SH3KBP1: variants seen among roughly 807,000 people sequenced by gnomAD.
SH3KBP1 encodes the protein SH3 domain containing kinase binding protein 1, also known as SH3 domain-containing kinase-binding protein 1.
SH3KBP1 carries 8 observed loss-of-function variants against 50.1 expected under a neutral mutation model. The observed-to-expected ratio is 0.16, with a 90% confidence interval of 0.09 to 0.29. SH3KBP1 has a LOEUF of 0.29. Ranked by LOEUF, SH3KBP1 falls within the 10% of genes least tolerant of loss-of-function variation. The pLI is 1.00. For missense variants in SH3KBP1, 377 were observed against 535.2 expected, an observed-to-expected ratio of 0.70 and a Z score of 2.92; for synonymous variants, 227 against 218.6, an observed-to-expected ratio of 1.04 and a Z score of -0.34.
chrX:19,878,401 T>C (rs1202545347), intron 1 of SH3KBP1, among the ~76,000 whole-genome samples: 1 of 105,384 alleles, frequency 9.5e-6, no homozygotes, highest in African/African-American at 3.5e-5. Context: ...GCTCCCAGGT[T>C]CAAGTGATTC....
At chrX:19,702,953 A>T (rs1249492475) in intron 4 of SH3KBP1, among the ~76,000 whole-genome samples, 1 of 112,390 alleles carries the variant, frequency 8.9e-6, no homozygotes, top group Non-Finnish European at 1.9e-5. Flanking sequence ...TTAGGTTCAC[A>T]ATGATGATTT....
At chrX:19,777,103 C>T (rs763032761) in intron 2 of SH3KBP1, among the ~76,000 whole-genome samples, 1 of 111,405 alleles carries the variant, frequency 9.0e-6, no homozygotes, top group South Asian at 3.8e-4. Flanking sequence ...TGTCTTTAAG[C>T]CTTTGAGGAT....
rs139186044 is a variant in SH3KBP1 at position 19,840,954 on chromosome X, T to C, written c.5-4672A>G. 7.5e-3 allele frequency among the ~76,000 whole-genome samples: 839 copies of C among 112,154 alleles called. 12 individuals carry two copies. Among genetic ancestry groups the C allele is most frequent in the African/African-American group, 0.026 (805 of 30,849 alleles). ...GTCACTGCAAAAACCAATGCTACAG[T>C]TAACCCCATGTTACAAAAAGATAGA... On this transcript the variant is annotated intron_variant, in intron 1 of 17. Transcript: ENST00000397821.
intron 2 of SH3KBP1, among the ~76,000 whole-genome samples, chrX:19,820,318 A>G (rs912922546): frequency 8.9e-6 from 1 of 112,028 alleles, no homozygotes; most frequent in Non-Finnish European, 1.9e-5. Flanking sequence ...TAAGTTGCCA[A>G]CTATAACTGT....
Position 19,598,729 on chromosome X carries a change from T to A in SH3KBP1, c.1006-3729A>T, listed in dbSNP as rs140826745. The stretch of plus-strand genomic sequence containing the variant: ...GGGGAATCGTAGGTCAATGGAGTAG[T>A]CAGAACACACACAACATCGATCAAT... On this transcript the variant is annotated intron_variant, in intron 9 of 17. Transcript: ENST00000397821. 3.6e-3 allele frequency among the ~76,000 whole-genome samples: 396 copies of A among 111,346 alleles called. 2 individuals carry two copies. The highest frequency in any genetic ancestry group is 0.014 in the Middle Eastern group (3 of 218).
intron 12 of SH3KBP1, among the ~76,000 whole-genome samples, chrX:19,573,434 G>T (rs1197420360): frequency 9.1e-6 from 1 of 110,134 alleles, no homozygotes. Flanking sequence ...TTACAGGTGC[G>T]TGCCACCACA....
At chrX:19,856,843 T>TA (rs2068654881) in intron 1 of SH3KBP1, among the ~76,000 whole-genome samples, 1 of 109,576 alleles carries the variant, frequency 9.1e-6, no homozygotes, top group Non-Finnish European at 1.9e-5. Context: ...CACAAGTATT[T>TA]ACATCCTTAT....
intron 7 of SH3KBP1, among the ~76,000 whole-genome samples, chrX:19,639,666 G>A (rs1038669436): frequency 3.3e-4 from 37 of 110,982 alleles, no homozygotes; most frequent in African/African-American, 1.1e-3. Context: ...CTTAGGAAGA[G>A]GTGGGTACCC....
intron 6 of SH3KBP1, among the ~76,000 whole-genome samples, chrX:19,680,694 T>C (rs2063029504): frequency 8.9e-6 from 1 of 112,384 alleles, no homozygotes; most frequent in Non-Finnish European, 1.9e-5. Context: ...TGTATGCTAA[T>C]AAAACAGAAT....
intron 13 of SH3KBP1, among the ~76,000 whole-genome samples, chrX:19,557,463 G>T (rs890263761): frequency 8.9e-6 from 1 of 111,986 alleles, no homozygotes; most frequent in Non-Finnish European, 1.9e-5. Context: ...CAAGCATAGG[G>T]ATAGTTTTGA....
At chrX:19,733,382 G>C (rs952825539) in intron 3 of SH3KBP1, among the ~76,000 whole-genome samples, 19 of 109,538 alleles carry the variant, frequency 1.7e-4, no homozygotes, top group Admixed American at 8.8e-4. Flanking sequence ...CAAATTAATG[G>C]TATAGAATTG....
chrX:19,616,435 C>CA lies in SH3KBP1; in HGVS notation c.898-8391dup, dbSNP rs760695339. 5.3e-3 allele frequency among the ~76,000 whole-genome samples: 597 copies of CA among 111,857 alleles called. 1 individual carries two copies. The highest frequency in any genetic ancestry group is 7.0e-3 in the African/African-American group (215 of 30,816). On this transcript the variant is annotated intron_variant, in intron 8 of 17. Coordinates refer to ENST00000397821, the MANE Select transcript of SH3KBP1 (RefSeq NM_031892.3). The stretch of plus-strand genomic sequence containing the variant: ...AACAAGAAACTGGGTGGATAACACA[C>CA]AAAAAAACAGTAAACACATTTCCTC...
intron 5 of SH3KBP1, among the ~76,000 whole-genome samples, chrX:19,694,683 A>G (rs1056659829): frequency 9.0e-6 from 1 of 111,671 alleles, no homozygotes; most frequent in African/African-American, 3.3e-5. Context: ...TTCTCTGCAA[A>G]TGGCGTTACC....
intron 3 of SH3KBP1, among the ~76,000 whole-genome samples, chrX:19,735,747 G>A (rs1163117793): frequency 2.2e-5 from 2 of 89,240 alleles, no homozygotes; most frequent in African/African-American, 8.3e-5. Context: ...TGGGGGGGAC[G>A]GATTCTTGCT....
At chrX:19,642,859 T>A (rs2061893746) in intron 7 of SH3KBP1, among the ~76,000 whole-genome samples, 3 of 111,381 alleles carry the variant, frequency 2.7e-5, no homozygotes, top group African/African-American at 9.8e-5. Context: ...CCTGATCAGC[T>A]GAGTTTCACT....
At chrX:19,794,792 G>C (rs2066661255) in intron 2 of SH3KBP1, among the ~76,000 whole-genome samples, 1 of 112,059 alleles carries the variant, frequency 8.9e-6, no homozygotes, top group Non-Finnish European at 1.9e-5. Flanking sequence ...TCAGATAAAA[G>C]AGGCAAAGCA....
intron 8 of SH3KBP1, among the ~76,000 whole-genome samples, chrX:19,624,688 A>T (rs2067958286): frequency 8.9e-6 from 1 of 112,342 alleles, no homozygotes; most frequent in Non-Finnish European, 1.9e-5. Context: ...TAAAAGGAAG[A>T]CAAAACAGCA....
intron 2 of SH3KBP1, among the ~76,000 whole-genome samples, chrX:19,757,886 G>A (rs888516074): frequency 4.5e-5 from 5 of 111,663 alleles, no homozygotes; most frequent in Admixed American, 9.6e-5. Context: ...AGATCCAACA[G>A]TGTATGCTAA....
intron 1 of SH3KBP1, among the ~76,000 whole-genome samples, chrX:19,841,429 G>T (rs764390701): frequency 4.4e-5 from 5 of 112,386 alleles, no homozygotes. Flanking sequence ...AATTTCCTCC[G>T]CTGTATACAC....
Sources: gnomAD v4.1 joint callset for allele counts (sites outside exome capture counted in the v4.1 genomes callset) on GRCh38, gnomAD v4.1.1 for gene constraint, MANE v1.5 for transcripts, NCBI Gene and HGNC (gene_info 2026-07-23, HGNC 2026-07-21) for gene names.